The following CLIP4 variants were observed in gnomAD, a reference collection of about 807,000 sequenced individuals.
CLIP4 encodes CAP-Gly domain-containing linker protein 4.
Under a neutral mutation model 73.1 loss-of-function variants are expected in CLIP4, and 47 were observed. That is an observed-to-expected ratio of 0.64 (90% CI 0.51 to 0.82). The LOEUF (loss-of-function observed/expected upper bound fraction) is 0.82, where lower values mean the gene tolerates loss of function less well. Among genes scored for constraint, CLIP4 ranks in the 40% least tolerant of loss-of-function variants. The pLI, the probability that CLIP4 is intolerant of heterozygous loss-of-function variation, is 0.00. For missense variants in CLIP4, 874 were observed against 852.9 expected (o/e 1.02, Z -0.31); for synonymous variants, 306 against 295.4 (o/e 1.04, Z -0.37).
At chr2:29,128,449 C>CA (rs577116107) in intron 2 of CLIP4, among the ~76,000 whole-genome samples, 4,834 of 148,184 alleles carry the variant, frequency 0.033, 226 homozygotes, top group African/African-American at 0.1. Context: ...AAAACAAAAA[C>CA]AAAAAAAAAC....
At position 29,134,537 on chromosome 2, in the gene CLIP4, C is replaced by G. The variant is rs143509589; in HGVS notation, c.529+721C>G. Among the ~76,000 whole-genome samples the G allele has an allele frequency of 1.3e-3, 205 of 152,138 alleles. 7 individuals are homozygous for G. The East Asian group carries it at 0.036, about 26-fold the overall frequency. On this transcript the variant is annotated intron_variant, in intron 5 of 15. Coordinates refer to ENST00000320081, the MANE Select transcript of CLIP4 (RefSeq NM_024692.6). ...GTCCATTTTCTCTTTAAAATTCTAC[C>G]TTTTCAATTTCTAAGTGATGTTGGG...
At chr2:29,172,129 T>C (rs1157140117) in intron 14 of CLIP4, among the ~76,000 whole-genome samples, 1 of 152,054 alleles carries the variant, frequency 6.6e-6, no homozygotes, top group Non-Finnish European at 1.5e-5. Flanking sequence ...AAATCTAAAG[T>C]TAATGATTTT....
chr2:29,137,390 T>C (rs1665443864), intron 6 of CLIP4, among the ~76,000 whole-genome samples: 1 of 152,252 alleles, frequency 6.6e-6, no homozygotes. Flanking sequence ...TAGTATGCCC[T>C]ATATGTACCG....
intron 1 of CLIP4, among the ~76,000 whole-genome samples, chr2:29,108,044 A>G (rs1441318728): frequency 6.6e-6 from 1 of 152,000 alleles, no homozygotes; most frequent in Non-Finnish European, 1.5e-5. Context: ...AAATTCCTAT[A>G]AAAGAAGAAA....
rs1376929656 is a variant in CLIP4 at position 29,115,709 on chromosome 2, C to T, written c.-16+44C>T. ...GGGCCCCCCCGGGCCGCGGGCTGGC[C>T]GGCGGCGGGGTTGGGGCCGGGGTGG... On this transcript the variant is annotated intron_variant, in intron 1 of 15. Transcript: ENST00000320081. The surrounding 1 kb of genome is among the most constrained non-coding windows in gnomAD (Gnocchi z 5.1). The T allele has an allele frequency of 2.0e-5, 3 of 147,962 alleles. No homozygotes were observed. Among genetic ancestry groups the T allele is most frequent in the Non-Finnish European group, 3.0e-5 (2 of 66,348 alleles). 9.2% of individuals were successfully genotyped at this position (147,962 alleles called of 1,614,324 possible).
intron 1 of CLIP4, among the ~76,000 whole-genome samples, chr2:29,102,827 T>C (rs1390302454): frequency 2.0e-5 from 3 of 152,150 alleles, no homozygotes; most frequent in South Asian, 2.1e-4. Context: ...GGTTTCGCCA[T>C]GTTGGCCAGG....
chr2:29,131,142 T>A, intron 2 of CLIP4, 116 bp from the exon 3 acceptor site: 2 of 990,778 alleles, frequency 2.0e-6, no homozygotes, highest in East Asian at 5.4e-5. Context: ...ACTTCTGATT[T>A]TTTTTTAGCA....
At chr2:29,151,962 C>G (rs1252532709) in intron 8 of CLIP4, among the ~76,000 whole-genome samples, 1 of 152,138 alleles carries the variant, frequency 6.6e-6, no homozygotes, top group Non-Finnish European at 1.5e-5. Context: ...TGCCGCTCCC[C>G]TCCCCAAAGT....
chr2:29,134,169 T>G (rs1414780435), intron 5 of CLIP4, among the ~76,000 whole-genome samples: 1 of 152,146 alleles, frequency 6.6e-6, no homozygotes. Context: ...CTTCAGAGAT[T>G]GGAATAATAA....
At chr2:29,150,377 G>A (rs1422082640) in intron 8 of CLIP4, among the ~76,000 whole-genome samples, 1 of 152,202 alleles carries the variant, frequency 6.6e-6, no homozygotes, top group Non-Finnish European at 1.5e-5. Flanking sequence ...TTCAGTGACT[G>A]TTTCCTGATC....
chr2:29,149,671 T>G (rs1357526536), intron 8 of CLIP4, among the ~76,000 whole-genome samples: 4 of 151,660 alleles, frequency 2.6e-5, no homozygotes, highest in Non-Finnish European at 4.4e-5. Context: ...GCCCATATGC[T>G]ATGCATCCAG....
intron 4 of CLIP4, chr2:29,132,451 A>G: frequency 1.9e-6 from 1 of 532,044 alleles, no homozygotes; most frequent in Admixed American, 3.5e-5. Flanking sequence ...ATACCTCTTA[A>G]CTTTTCTGGA....
intron 6 of CLIP4, among the ~76,000 whole-genome samples, chr2:29,141,596 A>C (rs1665770732): frequency 6.6e-6 from 1 of 152,030 alleles, no homozygotes; most frequent in Admixed American, 6.6e-5. Context: ...GTCCCTCTTG[A>C]CTGTTGTTGG....
chr2:29,143,603 CAAAT>C, intron 6 of CLIP4, 102 bp from the exon 7 acceptor site: 1 of 773,698 alleles, frequency 1.3e-6, no homozygotes, highest in Non-Finnish European at 2.2e-6. Flanking sequence ...TTTGAATAAA[CAAAT>C]GATGAATGAA....
chr2:29,160,721 T>C (rs1226149914), intron 12 of CLIP4, among the ~76,000 whole-genome samples: 1 of 152,168 alleles, frequency 6.6e-6, no homozygotes, highest in Non-Finnish European at 1.5e-5. Context: ...ATTCTCCAAT[T>C]TTACTCTTAC....
At chr2:29,144,003 C>G (rs1665974222) in intron 7 of CLIP4, 58 bp downstream of exon 7, 6 of 1,379,922 alleles carry the variant, frequency 4.3e-6, no homozygotes, top group Non-Finnish European at 6.1e-6. Context: ...GACCTATGTT[C>G]AAGGACACAG....
intron 4 of CLIP4, 100 bp from the exon 5 acceptor site, chr2:29,133,555 T>C (rs867427514): frequency 1.2e-5 from 13 of 1,062,766 alleles, no homozygotes; most frequent in Middle Eastern, 4.7e-4. Flanking sequence ...GTCTATACAG[T>C]GCACTGTTTG....
At position 29,135,833 on chromosome 2, in the gene CLIP4, A is replaced by G. The variant is rs1665313597; in HGVS notation, c.648+167A>G. 1.3e-5 allele frequency among the ~76,000 whole-genome samples: 2 copies of G among 152,222 alleles called. 1 individual carries two copies. The highest frequency in any genetic ancestry group is 4.1e-4 in the South Asian group (2 of 4,828). ...TGATGATGATCTTTATTGTAAATAA[A>G]TTTAAGGCATAATGATAAATTTCCT... On this transcript the variant is annotated intron_variant, in intron 6 of 15. Transcript: ENST00000320081.
chr2:29,122,830 A>C (rs1220958285), intron 2 of CLIP4, among the ~76,000 whole-genome samples: 16 of 148,874 alleles, frequency 1.1e-4, no homozygotes, highest in African/African-American at 3.9e-4. Flanking sequence ...TGTCTCCAAA[A>C]AAAAAAAAAA....
Sources: allele counts gnomAD v4.1 joint callset (sites outside exome capture counted in the v4.1 genomes callset), GRCh38; gene constraint gnomAD v4.1.1; non-coding constraint Gnocchi (gnomAD v3.1); transcripts MANE v1.5; gene names NCBI Gene and HGNC (gene_info 2026-07-23, HGNC 2026-07-21).